Variants in AKAP9 observed in about 807,000 individuals in gnomAD.
AKAP9 encodes A-kinase anchoring protein 9.
A neutral mutation model predicts 488.5 loss-of-function variants in AKAP9; 311 were observed. The observed-to-expected ratio is 0.64, with a 90% CI of 0.58 to 0.70. AKAP9 has a LOEUF of 0.70. AKAP9 is among the 30% of genes least tolerant of loss of function. The probability of loss-of-function intolerance (pLI) is 0.00; values close to 1 mark genes in which losing one functional copy is unlikely to be tolerated. For missense variants in AKAP9, 4,215 were observed against 4,374.5 expected, an observed-to-expected ratio of 0.96 and a Z score of 1.03; for synonymous variants, 1,462 against 1,483.5, an observed-to-expected ratio of 0.99 and a Z score of 0.33.
intron 16 of AKAP9, among the ~76,000 whole-genome samples, chr7:92,034,438 C>T (rs1187589947): frequency 2.0e-5 from 3 of 149,058 alleles, no homozygotes; most frequent in Non-Finnish European, 3.0e-5. Flanking sequence ...CTCACACTTC[C>T]GGTGAATTTA....
intron 2 of AKAP9, 67 bp from the exon 3 acceptor site, chr7:91,980,222 G>A: frequency 1.1e-6 from 1 of 951,926 alleles, no homozygotes; most frequent in Non-Finnish European, 1.7e-6. Context: ...AATAGTAATG[G>A]TTTAGTAAAG....
At chr7:92,042,316 G>A in intron 19 of AKAP9, 130 bp downstream of exon 19, 1 of 1,227,884 alleles carries the variant, frequency 8.1e-7, no homozygotes, top group Non-Finnish European at 1.2e-6. Flanking sequence ...CTGCATGTGT[G>A]TAAGGTAGGT....
chr7:91,971,229 A>T (rs1795033905), intron 1 of AKAP9, among the ~76,000 whole-genome samples: 1 of 151,800 alleles, frequency 6.6e-6, no homozygotes, highest in Non-Finnish European at 1.5e-5. Context: ...GAGCTCACTG[A>T]TTCTTTTTTC....
At chr7:91,942,486 G>T (rs1361064905) in intron 1 of AKAP9, among the ~76,000 whole-genome samples, 8 of 152,194 alleles carry the variant, frequency 5.3e-5, no homozygotes, top group African/African-American at 1.7e-4. Flanking sequence ...GCCTACACTT[G>T]TGCAATCTGA....
At chr7:91,988,032 T>G (rs1797311902) in intron 3 of AKAP9, among the ~76,000 whole-genome samples, 1 of 151,794 alleles carries the variant, frequency 6.6e-6, no homozygotes, top group African/African-American at 2.4e-5. Flanking sequence ...AAAATAAAAT[T>G]AGCAAGGCAT....
At chr7:92,091,722 C>T (rs947651333) in intron 38 of AKAP9, among the ~76,000 whole-genome samples, 2 of 150,822 alleles carry the variant, frequency 1.3e-5, no homozygotes, top group African/African-American at 2.4e-5. Context: ...TAAACGTAGG[C>T]GTAATTGAAG....
At chr7:92,021,475 G>C (rs1363197747) in intron 12 of AKAP9, among the ~76,000 whole-genome samples, 1 of 152,016 alleles carries the variant, frequency 6.6e-6, no homozygotes, top group Non-Finnish European at 1.5e-5. Context: ...GTCTTGCTCT[G>C]TCTCCCAGGC....
chr7:92,078,020 A>G lies in AKAP9; in HGVS notation c.6945+145A>G, dbSNP rs1026081772. On this transcript the variant is annotated intron_variant, in intron 30 of 49. Transcript: ENST00000356239. ...TTATTTTATTTATTTTTTTTGAGACAGAATCTCGCTCTGTCGCCCAGGCTG... is the reference window on the plus strand; with the variant it reads ...TTATTTTATTTATTTTTTTTGAGACGGAATCTCGCTCTGTCGCCCAGGCTG... The G allele has an allele frequency of 3.4e-5, 18 of 533,402 alleles. No homozygotes were observed. The African/African-American group carries it at 3.4e-4, about 10-fold the overall frequency. 33.0% of individuals were successfully genotyped at this position (533,402 alleles called of 1,614,324 possible). A position where few individuals can be genotyped will look rare whatever the true frequency, so the allele number is the denominator to read the frequency against.
At chr7:92,085,195 T>C (rs1193384332) in intron 35 of AKAP9, among the ~76,000 whole-genome samples, 1 of 152,190 alleles carries the variant, frequency 6.6e-6, no homozygotes, top group African/African-American at 2.4e-5. Context: ...TTTAAAGTAG[T>C]CTCAAAGAGT....
At chr7:92,033,352 G>C (rs968780676) in intron 16 of AKAP9, among the ~76,000 whole-genome samples, 1 of 151,744 alleles carries the variant, frequency 6.6e-6, no homozygotes, top group Non-Finnish European at 1.5e-5. Flanking sequence ...GTTGATATTA[G>C]TCACCAGTAC....
chr7:92,075,092 A>T (rs75287838), intron 28 of AKAP9, among the ~76,000 whole-genome samples: 2 of 54,582 alleles, frequency 3.7e-5, no homozygotes, highest in Non-Finnish European at 7.9e-5. Context: ...TCAAAAATTA[A>T]AAAAAAAATA....
At chr7:91,989,140 TAATA>T (rs34937568) in intron 3 of AKAP9, among the ~76,000 whole-genome samples, 60,367 of 151,626 alleles carry the variant, frequency 0.4, 12,245 homozygotes, top group African/African-American at 0.46. Flanking sequence ...ATGATTCCCT[TAATA>T]AATTGTTCTC....
At chr7:92,042,337 T>C in intron 19 of AKAP9, 151 bp downstream of exon 19, 1 of 1,009,582 alleles carries the variant, frequency 9.9e-7, no homozygotes, top group South Asian at 1.4e-5. Flanking sequence ...GGAGTCAAAA[T>C]GCCTTACATT....
At chr7:92,075,436 C>T (rs1443964989) in intron 28 of AKAP9, among the ~76,000 whole-genome samples, 1 of 152,174 alleles carries the variant, frequency 6.6e-6, no homozygotes, top group African/African-American at 2.4e-5. Flanking sequence ...TATTTATGTT[C>T]AGTCATTAAA....
At chr7:92,077,974 C>A in intron 30 of AKAP9, 99 bp downstream of exon 30, 2 of 777,254 alleles carry the variant, frequency 2.6e-6, no homozygotes, top group South Asian at 2.5e-5. Context: ...AAAAAACAAA[C>A]CAATTTTATT....
At chr7:91,964,443 T>C (rs1422545758) in intron 1 of AKAP9, among the ~76,000 whole-genome samples, 1 of 152,180 alleles carries the variant, frequency 6.6e-6, no homozygotes, top group Non-Finnish European at 1.5e-5. Flanking sequence ...TGTTAGGTGG[T>C]GATATTTTAG....
intron 1 of AKAP9, among the ~76,000 whole-genome samples, chr7:91,960,470 T>C (rs1048016086): frequency 6.6e-6 from 1 of 152,230 alleles, no homozygotes; most frequent in African/African-American, 2.4e-5. Flanking sequence ...TGCTGCTTAC[T>C]GCTTATGATC....
intron 3 of AKAP9, among the ~76,000 whole-genome samples, chr7:91,991,550 C>T (rs943586772): frequency 2.0e-5 from 3 of 151,346 alleles, no homozygotes; most frequent in Non-Finnish European, 2.9e-5. Context: ...CAGCTCACTG[C>T]AAGTTCCGCC....
At chr7:92,104,204 T>C (rs1205062461) in intron 46 of AKAP9, among the ~76,000 whole-genome samples, 1 of 150,820 alleles carries the variant, frequency 6.6e-6, no homozygotes, top group African/African-American at 2.4e-5. Flanking sequence ...TTTTTTTTTT[T>C]TTTTGAGACA....
Sources: gnomAD v4.1 joint callset for allele counts (sites outside exome capture counted in the v4.1 genomes callset) on GRCh38, gnomAD v4.1.1 for gene constraint, MANE v1.5 for transcripts, NCBI Gene and HGNC (gene_info 2026-07-23, HGNC 2026-07-21) for gene names.